The following RIMS1 variants were observed in gnomAD, a reference collection of about 807,000 sequenced individuals.
RIMS1 encodes regulating synaptic membrane exocytosis 1, also known as regulating synaptic membrane exocytosis protein 1.
RIMS1 carries 83 observed loss-of-function variants against 214.1 expected under a neutral mutation model. The ratio of observed to expected loss-of-function variants is 0.39; its 90% CI spans 0.32 to 0.47. The LOEUF (loss-of-function observed/expected upper bound fraction) is 0.47, where lower values mean the gene tolerates loss of function less well. Ranked by LOEUF, RIMS1 falls within the 20% of genes least tolerant of loss-of-function variation. The probability of loss-of-function intolerance (pLI) is 0.99; values close to 1 mark genes in which losing one functional copy is unlikely to be tolerated. For missense variants in RIMS1, 2,050 were observed against 2,161.8 expected (o/e 0.95, Z 1.03); for synonymous variants, 793 against 786.8 (o/e 1.01, Z -0.13).
intron 2 of RIMS1, among the ~76,000 whole-genome samples, chr6:71,999,616 A>G (rs979936762): frequency 3.9e-5 from 6 of 152,144 alleles, no homozygotes; most frequent in African/African-American, 1.4e-4. Context: ...TTTGGTCTCA[A>G]TCTGGCCTTT....
chr6:72,286,977 T>C (rs1246137897), intron 24 of RIMS1, among the ~76,000 whole-genome samples: 2 of 152,242 alleles, frequency 1.3e-5, no homozygotes, highest in Admixed American at 1.3e-4. Flanking sequence ...TTATATTTTT[T>C]GTGTCAAGCC....
At chr6:72,148,713 GTTTTT>G in intron 4 of RIMS1, 2 of 385,876 alleles carry the variant, frequency 5.2e-6, no homozygotes, top group South Asian at 1.9e-5. Flanking sequence ...GGAGACTTGG[GTTTTT>G]TTTTTTTTTT....
intron 29 of RIMS1, among the ~76,000 whole-genome samples, chr6:72,388,055 C>T (rs967708074): frequency 8.5e-5 from 13 of 152,142 alleles, no homozygotes; most frequent in Non-Finnish European, 1.3e-4. Context: ...GTTCTAGATA[C>T]GAGGAATAAC....
At chr6:72,342,804 C>T (rs894164579) in intron 29 of RIMS1, among the ~76,000 whole-genome samples, 1 of 151,718 alleles carries the variant, frequency 6.6e-6, no homozygotes, top group Non-Finnish European at 1.5e-5. Context: ...TTCAAGAACA[C>T]AAGTTTATTC....
chr6:72,323,921 AAG>A (rs765777132), intron 28 of RIMS1, among the ~76,000 whole-genome samples: 36 of 151,990 alleles, frequency 2.4e-4, no homozygotes, highest in South Asian at 1.7e-3. Flanking sequence ...GGCCAAAAGA[AAG>A]AACTCTGAAA....
intron 4 of RIMS1, among the ~76,000 whole-genome samples, chr6:72,134,935 TG>T (rs1281587479): frequency 6.6e-6 from 1 of 152,090 alleles, no homozygotes; most frequent in Non-Finnish European, 1.5e-5. Context: ...TTATTCAACC[TG>T]GAGAGATAAA....
chr6:71,944,994 C>G (rs1215525205), intron 1 of RIMS1, among the ~76,000 whole-genome samples: 1 of 152,118 alleles, frequency 6.6e-6, no homozygotes, highest in Non-Finnish European at 1.5e-5. Context: ...AGTATAACAT[C>G]TATGTTTTCC....
chr6:72,308,035 A>G, intron 27 of RIMS1, among the ~76,000 whole-genome samples: 1 of 152,264 alleles, frequency 6.6e-6, no homozygotes, highest in Middle Eastern at 3.4e-3. Context: ...TAAGGTATAT[A>G]TTTATAGTCT....
At chr6:72,289,091 T>C (rs543514043) in intron 24 of RIMS1, among the ~76,000 whole-genome samples, 9 of 152,336 alleles carry the variant, frequency 5.9e-5, no homozygotes, top group Middle Eastern at 3.4e-3. Flanking sequence ...CGAAATTTTT[T>C]ACATTTCAAG....
rs1208440776 is a variant in RIMS1 at position 72,160,518 on chromosome 6, G to A, written c.472-19057G>A. Among the ~76,000 whole-genome samples the A allele has an allele frequency of 1.4e-5, 2 of 139,412 alleles. 1 individual carries two copies. The highest frequency in any genetic ancestry group is 3.3e-5 in the Non-Finnish European group (2 of 61,460). The allele number at this position is 139,412 out of a possible 152,430, so 91.5% of individuals were successfully genotyped here. ...CCATTCAGTATGATATTGGCTGTGGGTTTGTCATAAATAGCTCTTATTATT... is the reference window on the plus strand; with the variant it reads ...CCATTCAGTATGATATTGGCTGTGGATTTGTCATAAATAGCTCTTATTATT... On this transcript the variant is annotated intron_variant, in intron 4 of 33. Transcript: ENST00000521978.
chr6:72,381,163 A>G (rs2098480492), intron 29 of RIMS1, among the ~76,000 whole-genome samples: 1 of 151,804 alleles, frequency 6.6e-6, no homozygotes, highest in Non-Finnish European at 1.5e-5. Context: ...GCTGTTGGCC[A>G]CCATTTTGTT....
intron 2 of RIMS1, among the ~76,000 whole-genome samples, chr6:72,033,532 A>G (rs1210224583): frequency 1.3e-5 from 2 of 152,102 alleles, no homozygotes; most frequent in Non-Finnish European, 2.9e-5. Flanking sequence ...AGGCTGGAGT[A>G]GTGCAAAGGT....
chr6:72,171,602 T>C (rs1464808262), intron 4 of RIMS1, among the ~76,000 whole-genome samples: 2 of 152,172 alleles, frequency 1.3e-5, no homozygotes, highest in African/African-American at 2.4e-5. Context: ...GGAACTATTA[T>C]TACCCCCTGT....
At chr6:72,087,969 G>C (rs1835104554) in intron 2 of RIMS1, among the ~76,000 whole-genome samples, 1 of 152,080 alleles carries the variant, frequency 6.6e-6, no homozygotes, top group Non-Finnish European at 1.5e-5. Flanking sequence ...TATTTCTGCT[G>C]TTAATTATCA....
intron 2 of RIMS1, among the ~76,000 whole-genome samples, chr6:71,978,556 A>G (rs1315639145): frequency 6.6e-6 from 1 of 152,058 alleles, no homozygotes; most frequent in African/African-American, 2.4e-5. Context: ...AATATAGCTC[A>G]TTTACTGAGT....
intron 6 of RIMS1, among the ~76,000 whole-genome samples, chr6:72,232,435 G>A (rs1224872908): frequency 6.6e-6 from 1 of 151,550 alleles, no homozygotes; most frequent in Non-Finnish European, 1.5e-5. Context: ...GTTCTTTTCT[G>A]ACTTCCTAAT....
At chr6:72,124,233 G>T (rs1197387024) in intron 4 of RIMS1, among the ~76,000 whole-genome samples, 1 of 151,798 alleles carries the variant, frequency 6.6e-6, no homozygotes, top group Non-Finnish European at 1.5e-5. Context: ...CATTTATGAA[G>T]CTTAGTTTGG....
Position 72,337,509 on chromosome 6 carries a change from T to A in RIMS1, c.4366+3674T>A, listed in dbSNP as rs187905956. ...CTCTTAAGTTATGTTTGTGTGAGTG[T>A]ATACAATTTCACTCCTTCATTGGTC... On this transcript the variant is annotated intron_variant, in intron 29 of 33. Transcript: ENST00000521978. 1.3e-3 allele frequency among the ~76,000 whole-genome samples: 205 copies of A among 151,952 alleles called. 1 individual carries two copies. Among genetic ancestry groups the A allele is most frequent in the African/African-American group, 4.6e-3 (193 of 41,520 alleles).
intron 2 of RIMS1, among the ~76,000 whole-genome samples, chr6:71,992,367 T>G (rs1050900088): frequency 6.6e-6 from 1 of 151,914 alleles, no homozygotes; most frequent in African/African-American, 2.4e-5. Context: ...TCTTTTTTCC[T>G]TTTTCTTTCT....
Sources: gnomAD v4.1 joint callset for allele counts (sites outside exome capture counted in the v4.1 genomes callset) on GRCh38, gnomAD v4.1.1 for gene constraint, MANE v1.5 for transcripts, NCBI Gene and HGNC (gene_info 2026-07-23, HGNC 2026-07-21) for gene names.